Variants in VAV2 observed in about 807,000 individuals in gnomAD.
The protein encoded by VAV2 is guanine nucleotide exchange factor VAV2.
Under a neutral mutation model 132.5 loss-of-function variants are expected in VAV2, and 67 were observed. That is an observed-to-expected ratio of 0.51 (90% CI 0.42 to 0.62). VAV2 has a LOEUF of 0.62. VAV2 is among the 20% of genes least tolerant of loss of function. The pLI is 0.00. For synonymous variants in VAV2, 492 were observed against 443.5 expected (o/e 1.11, Z -1.37); for missense variants, 938 against 1,153.6 (o/e 0.81, Z 2.71).
intron 10 of VAV2, 41 bp downstream of exon 10, chr9:133,797,669 C>A (rs765745257): frequency 1.9e-6 from 3 of 1,584,250 alleles, no homozygotes; most frequent in Non-Finnish European, 2.6e-6. Flanking sequence ...CAAGCTGCAA[C>A]CTTGGAGCCA....
At chr9:133,983,692 C>T (rs938300945) in intron 1 of VAV2, among the ~76,000 whole-genome samples, 1 of 152,138 alleles carries the variant, frequency 6.6e-6, no homozygotes, top group Non-Finnish European at 1.5e-5. Flanking sequence ...AGCCCCGGGT[C>T]CTTCCTACTG....
At chr9:133,936,736 C>A (rs1053671258) in intron 2 of VAV2, among the ~76,000 whole-genome samples, 22 of 152,290 alleles carry the variant, frequency 1.4e-4, no homozygotes, top group Admixed American at 4.6e-4. Flanking sequence ...GGTGACATCA[C>A]CTCCATTCCC....
At chr9:133,897,210 G>C (rs1564446303) in intron 2 of VAV2, among the ~76,000 whole-genome samples, 1 of 152,196 alleles carries the variant, frequency 6.6e-6, no homozygotes. Context: ...AAAATGAGCT[G>C]ACACTCGGGA....
chr9:133,873,010 G>C (rs1391837270), intron 2 of VAV2, among the ~76,000 whole-genome samples: 3 of 151,358 alleles, frequency 2.0e-5, no homozygotes, highest in Middle Eastern at 3.2e-3. Flanking sequence ...CTACTTGGGA[G>C]GCTGGGGCAG....
chr9:133,844,092 A>C (rs1042823457), intron 3 of VAV2, among the ~76,000 whole-genome samples: 2 of 152,144 alleles, frequency 1.3e-5, no homozygotes, highest in Admixed American at 1.3e-4. Context: ...AAGGCAGAGG[A>C]AGACACGGAT....
chr9:133,808,601 C>T lies in VAV2; in HGVS notation c.666+439G>A, dbSNP rs114970605. Among the ~76,000 whole-genome samples, 1,312 of 152,306 alleles carry T rather than the reference C, an allele frequency of 8.6e-3. 16 individuals are homozygous for T. Among genetic ancestry groups the T allele is most frequent in the African/African-American group, 0.03 (1,230 of 41,568 alleles). On this transcript the variant is annotated intron_variant, in intron 7 of 29. Transcript: ENST00000371850. ...AGCTTGGAGTCTGCAGCTCTGGTCA[C>T]TAGGCCGGGCCATGCCTTGTGCAGG...
At chr9:133,923,950 T>C (rs894359167) in intron 2 of VAV2, among the ~76,000 whole-genome samples, 1 of 151,706 alleles carries the variant, frequency 6.6e-6, no homozygotes, top group Middle Eastern at 3.4e-3. Context: ...ATGAGAACAC[T>C]TGGACACAGG....
intron 1 of VAV2, among the ~76,000 whole-genome samples, chr9:133,948,281 C>G (rs1588155735): frequency 6.6e-6 from 1 of 152,224 alleles, no homozygotes; most frequent in Non-Finnish European, 1.5e-5. Context: ...CAGCTCCGCA[C>G]GCACCAGGAC....
intron 4 of VAV2, among the ~76,000 whole-genome samples, chr9:133,825,866 C>T (rs904862223): frequency 4.6e-5 from 7 of 152,354 alleles, no homozygotes; most frequent in Middle Eastern, 6.8e-3. Flanking sequence ...AGAAAGAAGA[C>T]GTCCAAACCT....
chr9:133,789,514 G>T (rs1834367849), intron 13 of VAV2, among the ~76,000 whole-genome samples, 171 bp from the exon 14 acceptor site: 1 of 152,224 alleles, frequency 6.6e-6, no homozygotes, highest in Non-Finnish European at 1.5e-5. Flanking sequence ...ATGGACGAGG[G>T]AGGGTGCAGA....
chr9:133,886,232 C>T (rs1053188053), intron 2 of VAV2, among the ~76,000 whole-genome samples: 14 of 152,296 alleles, frequency 9.2e-5, no homozygotes, highest in Admixed American at 2.6e-4. Context: ...CAAGAAACTC[C>T]GCAAGAATAG....
rs557394284 is a variant in VAV2 at position 133,902,022 on chromosome 9, C to G, written c.321+37081G>C. ...GAGACTCTGTGGATGCTCCGAGCCTCCATGTCCTACAGGTCAGACCAGAAC... is the reference window on the plus strand; with the variant it reads ...GAGACTCTGTGGATGCTCCGAGCCTGCATGTCCTACAGGTCAGACCAGAAC... On this transcript the variant is annotated intron_variant, in intron 2 of 29. Coordinates refer to ENST00000371850, the MANE Select transcript of VAV2 (RefSeq NM_001134398.2). 7.2e-5 allele frequency among the ~76,000 whole-genome samples: 11 copies of G among 152,288 alleles called. No homozygotes were observed. The South Asian group carries it at 2.3e-3, about 32-fold the overall frequency.
At chr9:133,960,250 G>A (rs1285755558) in intron 1 of VAV2, among the ~76,000 whole-genome samples, 1 of 152,182 alleles carries the variant, frequency 6.6e-6, no homozygotes, top group Non-Finnish European at 1.5e-5. Flanking sequence ...GTGAGGTCAG[G>A]GCGCCCTCCG....
chr9:133,814,318 C>T (rs1028714358), intron 4 of VAV2, among the ~76,000 whole-genome samples: 1 of 152,250 alleles, frequency 6.6e-6, no homozygotes, highest in African/African-American at 2.4e-5. Flanking sequence ...CCTCTCTGCC[C>T]GCCAGGCTAC....
At chr9:133,796,769 G>A (rs117813086) in intron 10 of VAV2, among the ~76,000 whole-genome samples, 2 of 152,310 alleles carry the variant, frequency 1.3e-5, no homozygotes, top group East Asian at 1.9e-4. Flanking sequence ...AGTGAGACAC[G>A]TGCGATGCTA....
intron 2 of VAV2, among the ~76,000 whole-genome samples, chr9:133,922,236 C>G (rs925604382): frequency 3.9e-5 from 6 of 152,258 alleles, no homozygotes; most frequent in African/African-American, 1.4e-4. Flanking sequence ...GAAGTCCTCC[C>G]TCTGGCTCTG....
chr9:133,827,653 C>T (rs777352971), intron 4 of VAV2, among the ~76,000 whole-genome samples: 322 of 25,818 alleles, frequency 0.012, 117 homozygotes, highest in East Asian at 0.12. Context: ...CACCACCTAC[C>T]GCTGCGCCCA....
chr9:133,891,910 G>A (rs764840781), intron 2 of VAV2, among the ~76,000 whole-genome samples: 192 of 135,812 alleles, frequency 1.4e-3, no homozygotes, highest in Non-Finnish European at 2.5e-3. Context: ...GATAGAGGGC[G>A]TGGAGTGAGA....
intron 4 of VAV2, among the ~76,000 whole-genome samples, chr9:133,825,266 G>A (rs1300539991): frequency 5.9e-5 from 9 of 152,078 alleles, no homozygotes; most frequent in South Asian, 4.2e-4. Context: ...CCCGTCTTCC[G>A]TCTCTCCAGT....
Sources: allele counts gnomAD v4.1 joint callset (sites outside exome capture counted in the v4.1 genomes callset), GRCh38; gene constraint gnomAD v4.1.1; transcripts MANE v1.5; gene names NCBI Gene and HGNC (gene_info 2026-07-23, HGNC 2026-07-21).